Variants in UTP14C observed in about 807,000 individuals in gnomAD.
The protein encoded by UTP14C is U3 small nucleolar RNA-associated protein 14 homolog C.
UTP14C carries 10 observed loss-of-function variants against 14.6 expected under a neutral mutation model. The ratio of observed to expected loss-of-function variants is 0.68; its 90% CI spans 0.42 to 1.16. The LOEUF (loss-of-function observed/expected upper bound fraction) is 1.16. UTP14C is among the 50% of genes most tolerant of loss of function. The pLI is 0.00. For synonymous variants in UTP14C, 315 were observed against 331.6 expected, an observed-to-expected ratio of 0.95 and a Z score of 0.54; for missense variants, 818 against 890.8, an observed-to-expected ratio of 0.92 and a Z score of 1.04.
Position 52,030,807 on chromosome 13 carries a change from T to A in UTP14C, c.2003T>A (p.Ile668Asn), listed in dbSNP as rs1954295700. 1 of 1,614,172 alleles carries A rather than the reference T, an allele frequency of 6.2e-7. No individual in the cohort carries two copies. The highest frequency in any genetic ancestry group is 2.2e-5 in the East Asian group (1 of 44,876). The change falls in exon 2 of 2, where the codon ATC becomes AAC. Residue 668 changes from isoleucine to asparagine, a missense_variant. Physicochemically the swap from Ile to Asn is moderately radical, Grantham distance 149 (BLOSUM62 -3). Transcript: ENST00000521776. ...RKDKNLPNVI[I>N]SEKRNIHAAA... ...GATAAGAATTTGCCAAATGTGATTA[T>A]CAGTGAGAAGCGCAACATCCACGCA...
rs1168666320 is a variant in UTP14C, at chr13:52,028,891, A to C, written c.87A>C (p.Glu29Asp). The C allele has an allele frequency of 1.9e-6, 3 of 1,614,254 alleles. No individual in the cohort carries two copies. In the South Asian group the frequency reaches 3.3e-5, roughly 18 times the overall value. The change falls in exon 2 of 2, where the codon GAA (glutamate) becomes GAC (aspartate). Residue 29 changes from glutamate (E) to aspartate (D), a missense_variant. Physicochemically the swap from Glu to Asp is conservative, Grantham distance 45. Transcript: ENST00000521776. ...TGCCAAAAAACTACCCCTTGAGTGA[A>C]AATGAAGATGAGGGGGACAGTGATG... ...VDLPKNYPLS[E>D]NEDEGDSDGE...
chr13:52,025,747 T>A (rs1407991048), intron 1 of UTP14C, among the ~76,000 whole-genome samples: 1 of 152,234 alleles, frequency 6.6e-6, no homozygotes, highest in South Asian at 2.1e-4. Context: ...CCACATATAT[T>A]TCTCAAGCGC....
In UTP14C at chr13:52,030,169, G is replaced by A. The variant is rs752129733; in HGVS notation, c.1365G>A (p.Leu455=). Residue 455 remains leucine, a synonymous_variant, in exon 2 of 2, where the codon CTG becomes CTA. Coordinates refer to ENST00000521776, the MANE Select transcript of UTP14C (RefSeq NM_021645.6). The part of the protein sequence containing the change: ...ETKDSSSQEV[L]SELRALSQKL... ...AAGATTCTAGCAGCCAGGAGGTGCT[G>A]TCCGAATTGAGGGCACTATCTCAGA... The A allele has an allele frequency of 6.2e-7, 1 of 1,614,222 alleles. No homozygotes were observed. The highest frequency in any genetic ancestry group is 8.5e-7 in the Non-Finnish European group (1 of 1,180,034).
rs2897964 is a variant in UTP14C at position 52,031,539 on chromosome 13, A to G, written c.*434A>G. On this transcript the variant is annotated 3_prime_UTR_variant, in exon 2 of 2. Coordinates refer to ENST00000521776, the MANE Select transcript of UTP14C (RefSeq NM_021645.6). ...GAAAATTGTTTTTGTTTATGCTGTC[A>G]GCACATTTGTGTGGGTCTCTCATTG... is the stretch of plus-strand genomic sequence containing the variant. 106,641 of 181,198 alleles carry G rather than the reference A, an allele frequency of 0.59. 34,180 individuals are homozygous for G. Among genetic ancestry groups the G allele is most frequent in the Non-Finnish European group, 0.7 (53,162 of 75,728 alleles). The allele number at this position is 181,198 out of a possible 1,614,324, so 11.2% of individuals were successfully genotyped here. A position where few individuals can be genotyped will look rare whatever the true frequency, so the allele number is the denominator to read the frequency against.
At position 52,030,799 on chromosome 13, in the gene UTP14C, T is replaced by C; in HGVS notation, c.1995T>C (p.Asn665=). ...GPPRKDKNLP[N]VIISEKRNIH... ...CAAGAAAAGATAAGAATTTGCCAAA[T>C]GTGATTATCAGTGAGAAGCGCAACA... The change falls in exon 2 of 2, where the codon AAT becomes AAC. Residue 665 remains asparagine, a synonymous_variant. Coordinates refer to ENST00000521776, the MANE Select transcript of UTP14C (RefSeq NM_021645.6). 4.3e-6 allele frequency: 7 copies of C among 1,614,080 alleles called. No homozygotes were observed. The highest frequency in any genetic ancestry group is 5.9e-6 in the Non-Finnish European group (7 of 1,180,004).
At chr13:52,026,618 G>A (rs1954242865) in intron 1 of UTP14C, among the ~76,000 whole-genome samples, 1 of 152,188 alleles carries the variant, frequency 6.6e-6, no homozygotes, top group African/African-American at 2.4e-5. Flanking sequence ...TTAAATGAGG[G>A]AGGAAGAGAA....
In UTP14C at chr13:52,029,195, G is replaced by A. The variant is rs1263327045; in HGVS notation, c.391G>A (p.Val131Ile). Residue 131 changes from valine (V) to isoleucine (I), a missense_variant, in exon 2 of 2, where the codon GTA (valine) becomes ATA (isoleucine). Val to Ile is a conservative substitution (Grantham distance 29). Transcript: ENST00000521776. ...KEKIEQIHRE[V>I]AFSKTSQVLS... Reference sequence around the variant, plus strand: ...AAAAATTGAACAGATCCACAGAGAAGTAGCATTCAGTAAAACCTCACAGGT... The same window carrying A: ...AAAAATTGAACAGATCCACAGAGAAATAGCATTCAGTAAAACCTCACAGGT... 1 of 1,614,084 alleles carries A rather than the reference G, an allele frequency of 6.2e-7. No individual in the cohort carries two copies. Among genetic ancestry groups the A allele is most frequent in the African/African-American group, 1.3e-5 (1 of 74,930 alleles).
At position 52,028,778 on chromosome 13, in the gene UTP14C, T is replaced by C. The variant is rs1201370818; in HGVS notation, c.-27T>C. On this transcript the variant is annotated 5_prime_UTR_variant, in exon 2 of 2. Coordinates refer to ENST00000521776, the MANE Select transcript of UTP14C (RefSeq NM_021645.6). ...ACTAGCCTTCGGCTTCCATTCTTGG[T>C]ATACATGAGAGAGGCTGGCTGCTGA... 4.3e-6 allele frequency: 7 copies of C among 1,614,160 alleles called. No individual in the cohort carries two copies. Among genetic ancestry groups the C allele is most frequent in the Non-Finnish European group, 5.9e-6 (7 of 1,180,008 alleles).
In UTP14C at chr13:52,029,143, G is replaced by A. The variant is rs1055566609; in HGVS notation, c.339G>A (p.Lys113=). Residue 113 remains lysine, a synonymous_variant, in exon 2 of 2, where the codon AAG becomes AAA. Transcript: ENST00000521776. ...KKQLNRVKSK[K]VVELPLNKEK... ...AACTGAATAGAGTCAAATCAAAGAA[G>A]GTGGTGGAGTTACCTCTTAACAAAG... 2 of 1,614,122 alleles carry A rather than the reference G, an allele frequency of 1.2e-6. No individual in the cohort carries two copies. The highest frequency in any genetic ancestry group is 2.7e-5 in the African/African-American group (2 of 74,928).
Position 52,030,569 on chromosome 13 carries a change from G to T in UTP14C, c.1765G>T (p.Asp589Tyr), listed in dbSNP as rs1954291862. Reference sequence around the variant, plus strand: ...GGAGCTGGAAGATGAAGAGGAGAGAGACCAAAGGCAGATGATAAAGGAAGC... The same window carrying T: ...GGAGCTGGAAGATGAAGAGGAGAGATACCAAAGGCAGATGATAAAGGAAGC... ...IEELEDEEER[D>Y]QRQMIKEAFA... Residue 589 changes from aspartate (D) to tyrosine (Y), a missense_variant, in exon 2 of 2, where the codon GAC (aspartate) becomes TAC (tyrosine). Asp to Tyr is a radical substitution (Grantham distance 160). Transcript: ENST00000521776. The T allele has an allele frequency of 6.2e-7, 1 of 1,614,200 alleles. No homozygotes were observed.
In UTP14C at chr13:52,030,437, G is replaced by T; in HGVS notation, c.1633G>T (p.Asp545Tyr). ...AGAGAGGACCCCAAATAATCGGCCT[G>T]ATGCCCCTAAGGAGAAGAAAGAGAA... ...QSERTPNNRPDAPKEKKEKEQ... is the reference protein window; with the variant it reads ...QSERTPNNRPYAPKEKKEKEQ... The change falls in exon 2 of 2, where the codon GAT becomes TAT. Residue 545 changes from aspartate (D) to tyrosine (Y), a missense_variant. Coordinates refer to ENST00000521776, the MANE Select transcript of UTP14C (RefSeq NM_021645.6). 1 of 1,614,232 alleles carries T rather than the reference G, an allele frequency of 6.2e-7. No individual in the cohort carries two copies. Among genetic ancestry groups the T allele is most frequent in the South Asian group, 1.1e-5 (1 of 91,086 alleles).
rs564826881 is a variant in UTP14C, at chr13:52,032,354, A to G, written c.*1249A>G. 1.2e-5 allele frequency: 2 copies of G among 167,228 alleles called. No homozygotes were observed. Among genetic ancestry groups the G allele is most frequent in the African/African-American group, 4.8e-5 (2 of 41,602 alleles). The allele number at this position is 167,228 out of a possible 1,614,324, so 10.4% of individuals were successfully genotyped here. On this transcript the variant is annotated 3_prime_UTR_variant, in exon 2 of 2. Transcript: ENST00000521776. ...ATTGTTAGTTACTAGGCCAGTAGCT[A>G]GGAATTGGTATAAATTTAATGCACC...
At position 52,028,490 on chromosome 13, in the gene UTP14C, G is replaced by C. The variant is rs1243429016; in HGVS notation, c.-315G>C. On this transcript the variant is annotated 5_prime_UTR_variant, in exon 2 of 2. Transcript: ENST00000521776. Reference sequence around the variant, plus strand: ...ATTCTTTCCATGTCTGCAGAAAAGAGACTCCAAATCAGAAAAAGTGCTCGT... The same window carrying C: ...ATTCTTTCCATGTCTGCAGAAAAGACACTCCAAATCAGAAAAAGTGCTCGT... 1.2e-6 allele frequency: 2 copies of C among 1,614,048 alleles called. No homozygotes were observed. Among genetic ancestry groups the C allele is most frequent in the African/African-American group, 2.7e-5 (2 of 74,920 alleles).
In UTP14C at chr13:52,032,391, ATAAC is replaced by A. The variant is rs1267965160; in HGVS notation, c.*1289_*1292del. The A allele has an allele frequency of 6.0e-6, 1 of 167,122 alleles. No homozygotes were observed. The allele number at this position is 167,122 out of a possible 1,614,324, so 10.4% of individuals were successfully genotyped here. ...AAATTTAATGCACCTTCTATCCTGA[ATAAC>A]TAGCATGGAAAAGTGAATATATGTG... On this transcript the variant is annotated 3_prime_UTR_variant, in exon 2 of 2. Coordinates refer to ENST00000521776, the MANE Select transcript of UTP14C (RefSeq NM_021645.6).
intron 1 of UTP14C, among the ~76,000 whole-genome samples, chr13:52,026,767 G>A (rs1366890771): frequency 6.6e-6 from 1 of 152,158 alleles, no homozygotes; most frequent in Non-Finnish European, 1.5e-5. Flanking sequence ...GGACATGTGA[G>A]GGCATGCGTC....
chr13:52,031,281 C>A lies in UTP14C; in HGVS notation c.*176C>A. 1 of 980,018 alleles carries A rather than the reference C, an allele frequency of 1.0e-6. No homozygotes were observed. The highest frequency in any genetic ancestry group is 1.5e-6 in the Non-Finnish European group (1 of 681,092). 60.7% of individuals were successfully genotyped at this position (980,018 alleles called of 1,614,324 possible). ...AATTGACTAGCATTTTAGAATTGAT[C>A]AGACATTAGAACACAGAAAAATTCT... is the stretch of plus-strand genomic sequence containing the variant. On this transcript the variant is annotated 3_prime_UTR_variant, in exon 2 of 2. Coordinates refer to ENST00000521776, the MANE Select transcript of UTP14C (RefSeq NM_021645.6).
In UTP14C at chr13:52,031,231, TAAAA is replaced by T; in HGVS notation, c.*130_*133del. ...TTGCATGTAGTTGAGCCACATTTTT[TAAAA>T]AAAGAAAATGGATGACCATTAATTG... On this transcript the variant is annotated 3_prime_UTR_variant, in exon 2 of 2. Transcript: ENST00000521776. 3.6e-6 allele frequency: 5 copies of T among 1,396,912 alleles called. No individual in the cohort carries two copies. The highest frequency in any genetic ancestry group is 3.8e-6 in the Non-Finnish European group (4 of 1,044,532). The allele number at this position is 1,396,912 out of a possible 1,614,324, so 86.5% of individuals were successfully genotyped here. A position where few individuals can be genotyped will look rare whatever the true frequency, so the allele number is the denominator to read the frequency against.
rs530692596 is a variant in UTP14C at position 52,032,382 on chromosome 13, C to G, written c.*1277C>G. ...AATTGGTATAAATTTAATGCACCTT[C>G]TATCCTGAATAACTAGCATGGAAAA... On this transcript the variant is annotated 3_prime_UTR_variant, in exon 2 of 2. Coordinates refer to ENST00000521776, the MANE Select transcript of UTP14C (RefSeq NM_021645.6). The G allele has an allele frequency of 3.0e-5, 5 of 167,208 alleles. No homozygotes were observed. In the South Asian group the frequency reaches 1.0e-3, roughly 35 times the overall value. The allele number at this position is 167,208 out of a possible 1,614,324, so 10.4% of individuals were successfully genotyped here.
chr13:52,030,701 T>C lies in UTP14C; in HGVS notation c.1897T>C (p.Trp633Arg), dbSNP rs1251904971. 3 of 1,613,188 alleles carry C rather than the reference T, an allele frequency of 1.9e-6. No individual in the cohort carries two copies. In the South Asian group the frequency reaches 3.3e-5, roughly 18 times the overall value. Residue 633 changes from tryptophan to arginine, a missense_variant, in exon 2 of 2, where the codon TGG (tryptophan) becomes CGG (arginine). Physicochemically the swap from Trp to Arg is moderately radical, Grantham distance 101. Transcript: ENST00000521776. ...CCTGACACTACCTGGCTGGGGCGAG[T>C]GGGGTGGTGTGGGCCTAAAGCCCAG... ...VDLTLPGWGE[W>R]GGVGLKPSAK...
Sources: allele counts gnomAD v4.1 joint callset (sites outside exome capture counted in the v4.1 genomes callset), GRCh38; gene constraint gnomAD v4.1.1; transcripts MANE v1.5; gene names NCBI Gene and HGNC (gene_info 2026-07-23, HGNC 2026-07-21).